The following CUX2 variants were observed in gnomAD, a reference collection of about 807,000 sequenced individuals.
CUX2 encodes the protein homeobox protein cut-like 2.
Under a neutral mutation model 144.8 loss-of-function variants are expected in CUX2, and 40 were observed. The observed-to-expected ratio is 0.28, with a 90% confidence interval of 0.21 to 0.36. The LOEUF (loss-of-function observed/expected upper bound fraction) is 0.36. Among genes scored for constraint, CUX2 ranks in the 10% least tolerant of loss-of-function variants. The pLI is 1.00. For missense variants in CUX2, 1,615 were observed against 1,994.0 expected, an observed-to-expected ratio of 0.81 and a Z score of 3.62; for synonymous variants, 827 against 875.6, an observed-to-expected ratio of 0.94 and a Z score of 0.98.
rs1489203115 is a variant in CUX2, at chr12:111,224,450, C to T, written c.222+6513C>T. On this transcript the variant is annotated intron_variant, in intron 3 of 21. Transcript: ENST00000261726. ...GCGTCCTTCTTTGGTTCCTGTGCCC[C>T]CCTTCTGCTCCGTGTCTGCCTGCAA... Among the ~76,000 whole-genome samples, 18 of 152,062 alleles carry T rather than the reference C, an allele frequency of 1.2e-4. No homozygotes were observed. The South Asian group carries it at 3.5e-3, about 30-fold the overall frequency.
intron 1 of CUX2, among the ~76,000 whole-genome samples, chr12:111,157,302 T>TA (rs1347873233): frequency 6.6e-6 from 1 of 150,568 alleles, no homozygotes; most frequent in Non-Finnish European, 1.5e-5. Context: ...TTGGAGCACT[T>TA]ACTATGTGCC....
chr12:111,295,219 G>T lies in CUX2; in HGVS notation c.561-114G>T. 1.3e-6 allele frequency: 1 copy of T among 771,242 alleles called. No individual in the cohort carries two copies. Among genetic ancestry groups the T allele is most frequent in the Non-Finnish European group, 2.1e-6 (1 of 476,828 alleles). 47.8% of individuals were successfully genotyped at this position (771,242 alleles called of 1,614,324 possible). On this transcript the variant is annotated intron_variant, in intron 6 of 21. Transcript: ENST00000261726. The surrounding 1 kb of genome is among the most constrained non-coding windows in gnomAD (Gnocchi z 5.0). ...GTCTAAGGACTTGCAGAAAGACAGAGGTGCAGGTTACAGGGAGTGGGCAAG... is the reference window on the plus strand; with the variant it reads ...GTCTAAGGACTTGCAGAAAGACAGATGTGCAGGTTACAGGGAGTGGGCAAG...
chr12:111,312,814 C>T lies in CUX2; in HGVS notation c.2002+613C>T, dbSNP rs931136785. Among the ~76,000 whole-genome samples, 14 of 152,308 alleles carry T rather than the reference C, an allele frequency of 9.2e-5. No individual in the cohort carries two copies. The highest frequency in any genetic ancestry group is 3.4e-3 in the Middle Eastern group (1 of 294). ...CATAGTCATGCCCAGCTGCCGTGCA[C>T]TCCACCCTGCGCCTCTGATGCTGTC... On this transcript the variant is annotated intron_variant, in intron 16 of 21. Transcript: ENST00000261726. The surrounding 1 kb of genome is among the most constrained non-coding windows in gnomAD (Gnocchi z 4.3).
chr12:111,041,166 T>G (rs1353859765), intron 1 of CUX2, among the ~76,000 whole-genome samples: 1 of 152,236 alleles, frequency 6.6e-6, no homozygotes, highest in Non-Finnish European at 1.5e-5. Context: ...CAAGCCTTAC[T>G]TTCTTTGTCT....
At chr12:111,342,918 C>T (rs1214292813) in intron 21 of CUX2, among the ~76,000 whole-genome samples, 1 of 143,738 alleles carries the variant, frequency 7.0e-6, no homozygotes, top group Non-Finnish European at 1.5e-5. Flanking sequence ...GAGATTGTGC[C>T]ACTGTACTCC....
intron 1 of CUX2, among the ~76,000 whole-genome samples, chr12:111,101,655 C>T (rs1873247917): frequency 6.6e-6 from 1 of 152,194 alleles, no homozygotes; most frequent in Non-Finnish European, 1.5e-5. Flanking sequence ...AGCCTGGCTT[C>T]AAACACTGTG....
intron 1 of CUX2, among the ~76,000 whole-genome samples, chr12:111,144,014 C>G (rs747339687): frequency 2.6e-5 from 4 of 152,226 alleles, no homozygotes; most frequent in African/African-American, 4.8e-5. Context: ...CCTCCCTGAC[C>G]AGCCAGGCCT....
chr12:111,338,496 G>A, intron 20 of CUX2, 22 bp downstream of exon 20: 1 of 1,595,948 alleles, frequency 6.3e-7, no homozygotes, highest in Non-Finnish European at 8.6e-7. Flanking sequence ...GCAGAGGATG[G>A]GCCCCAGCAC....
chr12:111,088,780 G>C (rs535999949), intron 1 of CUX2, among the ~76,000 whole-genome samples: 1 of 152,310 alleles, frequency 6.6e-6, no homozygotes, highest in South Asian at 2.1e-4. Context: ...GAGCGCCTCA[G>C]GTTTGGACAA....
intron 3 of CUX2, among the ~76,000 whole-genome samples, chr12:111,258,252 C>A (rs994201984): frequency 6.6e-6 from 1 of 152,200 alleles, no homozygotes; most frequent in South Asian, 2.1e-4. Flanking sequence ...GTGGCTCACG[C>A]GTGTAATCCC....
rs1340671582 is a variant in CUX2, at chr12:111,322,880, G to A, written c.2926+300G>A. On this transcript the variant is annotated intron_variant, in intron 18 of 21. Coordinates refer to ENST00000261726, the MANE Select transcript of CUX2 (RefSeq NM_015267.4). This position sits in a 1 kb window ranked among gnomAD's most constrained non-coding sequence, Gnocchi z 4.2. ...GGTGCTCAGAGCAGGTGGAGAATGT[G>A]TTTTGCATGTGGAGTCCCACATCTG... Among the ~76,000 whole-genome samples the A allele has an allele frequency of 1.3e-5, 2 of 152,230 alleles. No homozygotes were observed. Among genetic ancestry groups the A allele is most frequent in the Non-Finnish European group, 2.9e-5 (2 of 68,036 alleles).
chr12:111,139,378 C>G (rs192975654), intron 1 of CUX2, among the ~76,000 whole-genome samples: 137 of 152,244 alleles, frequency 9.0e-4, no homozygotes, highest in African/African-American at 3.0e-3. Flanking sequence ...TTCTGCCTCC[C>G]TGGCCTGGGA....
intron 1 of CUX2, among the ~76,000 whole-genome samples, chr12:111,176,842 G>A (rs1443854066): frequency 2.6e-5 from 4 of 152,144 alleles, no homozygotes; most frequent in Non-Finnish European, 2.9e-5. Context: ...TCTGTTCACC[G>A]GAGGAAATGC....
At chr12:111,143,847 CTCTG>C (rs953407487) in intron 1 of CUX2, among the ~76,000 whole-genome samples, 7 of 152,312 alleles carry the variant, frequency 4.6e-5, no homozygotes, top group East Asian at 1.9e-4. Flanking sequence ...CAGTTTCCCT[CTCTG>C]TCAGCACCTC....
intron 1 of CUX2, among the ~76,000 whole-genome samples, chr12:111,056,070 G>C (rs992833352): frequency 7.9e-5 from 12 of 152,202 alleles, no homozygotes; most frequent in Admixed American, 2.0e-4. Flanking sequence ...GAGATCCGAG[G>C]CAAAAGGCGG....
chr12:111,235,348 A>G (rs1399394437), intron 3 of CUX2, among the ~76,000 whole-genome samples: 1 of 152,046 alleles, frequency 6.6e-6, no homozygotes, highest in Non-Finnish European at 1.5e-5. Flanking sequence ...ACCGGAAACC[A>G]AGTTCCAGAA....
At chr12:111,291,386 C>T in intron 4 of CUX2, 32 bp from the exon 5 acceptor site, 2 of 1,572,388 alleles carry the variant, frequency 1.3e-6, no homozygotes, top group Non-Finnish European at 1.7e-6. Flanking sequence ...CCATCAGGCC[C>T]TCACTATCCC....
chr12:111,210,053 G>A (rs1243006010), intron 1 of CUX2, among the ~76,000 whole-genome samples: 1 of 152,186 alleles, frequency 6.6e-6, no homozygotes, highest in Non-Finnish European at 1.5e-5. Flanking sequence ...GGGCTGGGGG[G>A]CTGGTGGGGC....
intron 1 of CUX2, among the ~76,000 whole-genome samples, chr12:111,210,973 A>C (rs1033567345): frequency 2.6e-5 from 4 of 152,180 alleles, no homozygotes; most frequent in Admixed American, 2.6e-4. Context: ...TCCACACCTC[A>C]GTTATTAGAA....
Sources: allele counts gnomAD v4.1 joint callset (sites outside exome capture counted in the v4.1 genomes callset), GRCh38; gene constraint gnomAD v4.1.1; non-coding constraint Gnocchi (gnomAD v3.1); transcripts MANE v1.5; gene names NCBI Gene and HGNC (gene_info 2026-07-23, HGNC 2026-07-21).